Variants in C2CD3 observed in about 807,000 individuals in gnomAD.
C2CD3 encodes C2 domain-containing protein 3.
Under a neutral mutation model 234.0 loss-of-function variants are expected in C2CD3, and 148 were observed. That is an observed-to-expected ratio of 0.63 (90% CI 0.55 to 0.72). The LOEUF is 0.72. Among genes scored for constraint, C2CD3 ranks in the 30% least tolerant of loss-of-function variants. C2CD3 has a pLI of 0.00. For synonymous variants in C2CD3, 1,000 were observed against 1,035.4 expected (o/e 0.97, Z 0.66); for missense variants, 2,577 against 2,811.5 (o/e 0.92, Z 1.89).
At chr11:74,039,215 T>C (rs755665300) in intron 29 of C2CD3, among the ~76,000 whole-genome samples, 17 of 152,252 alleles carry the variant, frequency 1.1e-4, no homozygotes, top group South Asian at 6.2e-4. Context: ...TGTAGAACCA[T>C]GTAGAACCAT....
chr11:74,056,975 T>C (rs958182907), intron 25 of C2CD3, among the ~76,000 whole-genome samples: 6 of 151,348 alleles, frequency 4.0e-5, no homozygotes, highest in African/African-American at 1.5e-4. Flanking sequence ...GCTCAAGTGA[T>C]GCTCCCACCT....
chr11:74,132,897 A>G lies in C2CD3; in HGVS notation c.1164T>C (p.Phe388=). Residue 388 remains phenylalanine, a synonymous_variant, in exon 7 of 33, where the codon TTT becomes TTC. Transcript: ENST00000334126. ...TATCAGCTTTTGTGTCATGTCTCCA[A>G]AATGTATTCTCAGTTGAAGGGAGGA... is the stretch of plus-strand genomic sequence containing the variant. The part of the protein sequence containing the change: ...DHLLPSTENT[F]WRHDTKADTR... 1 of 1,613,922 alleles carries G rather than the reference A, an allele frequency of 6.2e-7. No individual in the cohort carries two copies. The highest frequency in any genetic ancestry group is 8.5e-7 in the Non-Finnish European group (1 of 1,179,832).
intron 29 of C2CD3, among the ~76,000 whole-genome samples, chr11:74,040,961 T>TA (rs1200560560): frequency 7.3e-5 from 10 of 137,876 alleles, no homozygotes; most frequent in Non-Finnish European, 3.0e-5. Flanking sequence ...ATTTTTTCCT[T>TA]AAATTTTTTT....
intron 1 of C2CD3, among the ~76,000 whole-genome samples, chr11:74,170,050 C>T (rs1486495101): frequency 2.0e-5 from 3 of 152,160 alleles, no homozygotes; most frequent in Non-Finnish European, 2.9e-5. Context: ...TGACTGTTCT[C>T]ACTGCAGCTA....
chr11:74,109,213 C>G (rs17132721), intron 11 of C2CD3, 61 bp from the exon 12 acceptor site: 2 of 827,428 alleles, frequency 2.4e-6, no homozygotes, highest in African/African-American at 3.6e-5. Context: ...ATCATCAATT[C>G]ATGCCTTGAT....
At chr11:74,048,949 C>T (rs577273768) in intron 27 of C2CD3, among the ~76,000 whole-genome samples, 2 of 152,206 alleles carry the variant, frequency 1.3e-5, no homozygotes, top group Admixed American at 1.3e-4. Flanking sequence ...TGATCAATTC[C>T]CCTCTTCATA....
intron 9 of C2CD3, among the ~76,000 whole-genome samples, chr11:74,116,987 C>CATATACGTGTATATGTGTATATACACAT (rs1956987151): frequency 4.1e-5 from 3 of 73,186 alleles, no homozygotes; most frequent in Non-Finnish European, 8.6e-5. Flanking sequence ...TATATATACA[C>CATATACGTGTATATGTGTATATACACAT]ATATACGTGT....
chr11:74,054,185 T>C (rs1254505882), intron 26 of C2CD3, among the ~76,000 whole-genome samples: 1 of 147,218 alleles, frequency 6.8e-6, no homozygotes, highest in Non-Finnish European at 1.5e-5. Context: ...GGCAGGAGAA[T>C]GGCGTGAACC....
chr11:74,161,825 T>C (rs1210924600), intron 2 of C2CD3, among the ~76,000 whole-genome samples: 2 of 150,458 alleles, frequency 1.3e-5, no homozygotes, highest in Non-Finnish European at 3.0e-5. Flanking sequence ...TTTTTTTTTT[T>C]TTTTTTTTTC....
chr11:74,135,053 T>A (rs1957815186), intron 5 of C2CD3, among the ~76,000 whole-genome samples: 1 of 151,826 alleles, frequency 6.6e-6, no homozygotes, highest in Non-Finnish European at 1.5e-5. Flanking sequence ...CTTAAAAACT[T>A]AAAAAAAATC....
chr11:74,052,976 C>A (rs923511360), intron 26 of C2CD3, among the ~76,000 whole-genome samples: 4 of 152,184 alleles, frequency 2.6e-5, no homozygotes, highest in African/African-American at 7.2e-5. Context: ...CTTAAAGAAG[C>A]TAGACTTAGA....
Position 74,013,204 on chromosome 11 carries a change from G to T in C2CD3, c.*181C>A. ...AATTCTGGCAAGTGGACACTGGACT[G>T]GTTTGGGGCACTCCTCCAGTCTGGG... is the stretch of plus-strand genomic sequence containing the variant. On this transcript the variant is annotated 3_prime_UTR_variant, in exon 33 of 33. Coordinates refer to ENST00000334126, the MANE Select transcript of C2CD3 (RefSeq NM_001286577.2). The T allele has an allele frequency of 2.6e-6, 1 of 383,426 alleles. No individual in the cohort carries two copies. The highest frequency in any genetic ancestry group is 4.6e-6 in the Non-Finnish European group (1 of 216,772). The allele number at this position is 383,426 out of a possible 1,614,324, so 23.8% of individuals were successfully genotyped here.
At chr11:74,049,147 A>G (rs1180877582) in intron 27 of C2CD3, among the ~76,000 whole-genome samples, 190 bp downstream of exon 27, 2 of 152,236 alleles carry the variant, frequency 1.3e-5, no homozygotes, top group South Asian at 4.1e-4. Flanking sequence ...AGTGTATTCA[A>G]AGTTGTGCAA....
intron 24 of C2CD3, among the ~76,000 whole-genome samples, chr11:74,070,281 A>G (rs1263543279): frequency 2.0e-5 from 3 of 152,248 alleles, no homozygotes; most frequent in Admixed American, 2.0e-4. Flanking sequence ...TACAGTGGTG[A>G]CCACAGACCA....
At chr11:74,158,009 T>G (rs1338204169) in intron 3 of C2CD3, among the ~76,000 whole-genome samples, 1 of 152,194 alleles carries the variant, frequency 6.6e-6, no homozygotes, top group Non-Finnish European at 1.5e-5. Flanking sequence ...AAGAGTAGAC[T>G]CCTCTCATCA....
chr11:74,126,700 C>T (rs762999998), intron 7 of C2CD3, among the ~76,000 whole-genome samples: 9 of 152,054 alleles, frequency 5.9e-5, no homozygotes, highest in Non-Finnish European at 7.4e-5. Context: ...GCTGAGGTTG[C>T]GCCACTGCAC....
intron 2 of C2CD3, 93 bp downstream of exon 2, chr11:74,168,251 T>C (rs1856931216): frequency 4.0e-6 from 4 of 990,596 alleles, no homozygotes; most frequent in Non-Finnish European, 6.1e-6. Context: ...AGAATGCCCA[T>C]ATATGCTAGG....
At position 74,085,865 on chromosome 11, in the gene C2CD3, G is replaced by A. The variant is rs766285233; in HGVS notation, c.3663C>T (p.Pro1221=). ...CGACTGTGGCACTAAACTGTAGAGC[G>A]GGTTCCCGTTCAGCCAAAGCCCTGT... ...AAAKALAERE[P]ALQFSATVGV... Residue 1221 remains proline (P), a synonymous_variant, in exon 21 of 33, where the codon CCC becomes CCT. Transcript: ENST00000334126. The A allele has an allele frequency of 9.3e-6, 15 of 1,613,162 alleles. No homozygotes were observed. The highest frequency in any genetic ancestry group is 5.0e-5 in the Admixed American group (3 of 59,964).
intron 31 of C2CD3, among the ~76,000 whole-genome samples, chr11:74,031,041 T>C (rs1952505466): frequency 6.6e-6 from 1 of 152,214 alleles, no homozygotes; most frequent in Admixed American, 6.5e-5. Flanking sequence ...GCCTCCTTGT[T>C]TCTAGTCTTC....
Sources: gnomAD v4.1 joint callset for allele counts (sites outside exome capture counted in the v4.1 genomes callset) on GRCh38, gnomAD v4.1.1 for gene constraint, MANE v1.5 for transcripts, NCBI Gene and HGNC (gene_info 2026-07-23, HGNC 2026-07-21) for gene names.